Variants in NALCN observed in about 807,000 individuals in gnomAD.
NALCN encodes sodium leak channel NALCN.
Under a neutral mutation model 225.3 loss-of-function variants are expected in NALCN, and 111 were observed. The ratio of observed to expected loss-of-function variants is 0.49; its 90% confidence interval spans 0.42 to 0.58. The LOEUF is 0.58. Among genes scored for constraint, NALCN ranks in the 20% least tolerant of loss-of-function variants. NALCN has a pLI of 0.00. For missense variants in NALCN, 1,378 were observed against 2,202.4 expected (o/e 0.63, Z 7.49); for synonymous variants, 764 against 769.0 (o/e 0.99, Z 0.11).
chr13:101,284,287 T>C (rs1485399319), intron 9 of NALCN, among the ~76,000 whole-genome samples: 1 of 152,242 alleles, frequency 6.6e-6, no homozygotes, highest in Non-Finnish European at 1.5e-5. Flanking sequence ...ATTGCTCAAA[T>C]ATTCTTCTCC....
At chr13:101,265,961 T>C (rs923603381) in intron 10 of NALCN, among the ~76,000 whole-genome samples, 16 of 152,210 alleles carry the variant, frequency 1.1e-4, no homozygotes, top group Non-Finnish European at 1.0e-4. Context: ...GACAATCTGT[T>C]TTTCACAGAA....
In NALCN at chr13:101,393,052, T is replaced by C. The variant is rs113591365; in HGVS notation, c.291+2131A>G. ...GTCCATGATTTGGATAAGAATTGTG[T>C]ATGGTACAAATAACCACAAACAAAG... On this transcript the variant is annotated intron_variant, in intron 3 of 43. Transcript: ENST00000251127. Among the ~76,000 whole-genome samples the C allele has an allele frequency of 1.8e-3, 268 of 152,328 alleles. 1 individual carries two copies. Among genetic ancestry groups the C allele is most frequent in the African/African-American group, 6.2e-3 (256 of 41,586 alleles).
chr13:101,162,798 T>C (rs1456472663), intron 15 of NALCN, among the ~76,000 whole-genome samples: 3 of 152,254 alleles, frequency 2.0e-5, no homozygotes, highest in Non-Finnish European at 4.4e-5. Flanking sequence ...GGAAACAAAA[T>C]AAAATAGCAT....
intron 6 of NALCN, among the ~76,000 whole-genome samples, chr13:101,350,683 T>C (rs1163614020): frequency 2.0e-5 from 3 of 152,198 alleles, no homozygotes; most frequent in African/African-American, 7.2e-5. Flanking sequence ...TGAACACCAG[T>C]CTAGATGTTG....
At chr13:101,318,618 T>C (rs1183228280) in intron 7 of NALCN, among the ~76,000 whole-genome samples, 1 of 152,198 alleles carries the variant, frequency 6.6e-6, no homozygotes, top group Non-Finnish European at 1.5e-5. Context: ...AATTCCCAGA[T>C]ATGTGTACTT....
At chr13:101,082,604 G>C (rs1195668313) in intron 33 of NALCN, among the ~76,000 whole-genome samples, 1 of 152,200 alleles carries the variant, frequency 6.6e-6, no homozygotes, top group Non-Finnish European at 1.5e-5. Flanking sequence ...ATCGACAGCA[G>C]CATTTCTGTA....
chr13:101,222,988 T>G (rs190667032), intron 13 of NALCN, among the ~76,000 whole-genome samples: 16 of 152,218 alleles, frequency 1.1e-4, no homozygotes, highest in Non-Finnish European at 1.9e-4. Context: ...CAATACTTAT[T>G]TCCCTTCATA....
chr13:101,215,581 A>G (rs959523729), intron 13 of NALCN, among the ~76,000 whole-genome samples: 1 of 152,058 alleles, frequency 6.6e-6, no homozygotes, highest in African/African-American at 2.4e-5. Flanking sequence ...GGTTATTATC[A>G]GAGGGTTGTT....
intron 14 of NALCN, among the ~76,000 whole-genome samples, chr13:101,178,836 A>T (rs2039071098): frequency 6.6e-6 from 1 of 152,108 alleles, no homozygotes; most frequent in South Asian, 2.1e-4. Context: ...AGAGGGAGGT[A>T]TTTTCTGCCT....
chr13:101,293,973 C>T (rs2043642609), intron 7 of NALCN, among the ~76,000 whole-genome samples: 1 of 152,080 alleles, frequency 6.6e-6, no homozygotes, highest in Non-Finnish European at 1.5e-5. Context: ...ACACAACATG[C>T]TAAGGAAATC....
At chr13:101,272,304 G>A (rs1187385388) in intron 10 of NALCN, among the ~76,000 whole-genome samples, 1 of 152,168 alleles carries the variant, frequency 6.6e-6, no homozygotes, top group Non-Finnish European at 1.5e-5. Context: ...GCGTGCATGC[G>A]TGAGCATTTG....
chr13:101,166,351 C>T (rs9585637), intron 15 of NALCN, among the ~76,000 whole-genome samples: 36,785 of 151,870 alleles, frequency 0.24, 5,224 homozygotes, highest in Non-Finnish European at 0.32. Flanking sequence ...CACCATTTTA[C>T]ATTCTCATCA....
intron 35 of NALCN, 121 bp from the exon 36 acceptor site, chr13:101,074,783 C>T: frequency 8.3e-7 from 1 of 1,202,830 alleles, no homozygotes; most frequent in Non-Finnish European, 1.1e-6. Context: ...TGGGTAGCAA[C>T]TAATCTTTAA....
intron 15 of NALCN, among the ~76,000 whole-genome samples, chr13:101,170,382 T>C (rs948289560): frequency 2.6e-5 from 4 of 152,142 alleles, no homozygotes; most frequent in Non-Finnish European, 5.9e-5. Context: ...GCTTTGGAAG[T>C]GGTTTAACGA....
chr13:101,091,189 T>C (rs1272405186), intron 28 of NALCN, among the ~76,000 whole-genome samples: 1 of 152,138 alleles, frequency 6.6e-6, no homozygotes, highest in East Asian at 1.9e-4. Context: ...AATCATGGAC[T>C]ATATTTCTTG....
intron 10 of NALCN, among the ~76,000 whole-genome samples, chr13:101,273,560 A>G (rs2042869978): frequency 6.6e-6 from 1 of 152,194 alleles, no homozygotes; most frequent in Non-Finnish European, 1.5e-5. Context: ...AATATCTTAA[A>G]TTTTTATTTA....
At chr13:101,414,977 G>T (rs191622489) in intron 1 of NALCN, among the ~76,000 whole-genome samples, 2 of 147,678 alleles carry the variant, frequency 1.4e-5, no homozygotes, top group Admixed American at 1.3e-4. Context: ...ACGAAAAATC[G>T]ACTCTAGAAA....
chr13:101,110,939 GA>G (rs2035394971), intron 19 of NALCN, among the ~76,000 whole-genome samples, 185 bp downstream of exon 19: 1 of 152,154 alleles, frequency 6.6e-6, no homozygotes, highest in Non-Finnish European at 1.5e-5. Context: ...GTGAAGTAGA[GA>G]TTTTTTTGAA....
Position 101,089,247 on chromosome 13 carries a change from C to A in NALCN, c.3489+416G>T, listed in dbSNP as rs569032509. Among the ~76,000 whole-genome samples the A allele has an allele frequency of 6.6e-6, 1 of 152,152 alleles. No individual in the cohort carries two copies. Among genetic ancestry groups the A allele is most frequent in the African/African-American group, 2.4e-5 (1 of 41,432 alleles). ...AGGATTTTGAAATTTCTACCAGACT[C>A]CCCTCACCCCCATCAAAATCCTGAG... On this transcript the variant is annotated intron_variant, in intron 30 of 43. Coordinates refer to ENST00000251127, the MANE Select transcript of NALCN (RefSeq NM_052867.4). The surrounding 1 kb of genome is among the most constrained non-coding windows in gnomAD (Gnocchi z 4.7).
Sources: gnomAD v4.1 joint callset for allele counts (sites outside exome capture counted in the v4.1 genomes callset) on GRCh38, gnomAD v4.1.1 for gene constraint, Gnocchi (gnomAD v3.1) non-coding constraint, MANE v1.5 for transcripts, NCBI Gene and HGNC (gene_info 2026-07-23, HGNC 2026-07-21) for gene names.